DPP6: variants seen among roughly 807,000 people sequenced by gnomAD.
DPP6 encodes the protein dipeptidyl peptidase like 6, also known as A-type potassium channel modulatory protein DPP6.
DPP6 carries 69 observed loss-of-function variants against 122.6 expected under a neutral mutation model. The ratio of observed to expected loss-of-function variants is 0.56; its 90% CI spans 0.46 to 0.69. The LOEUF is 0.69. DPP6 is among the 30% of genes least tolerant of loss of function. The pLI is 0.00. For missense variants in DPP6, 928 were observed against 1,116.9 expected (o/e 0.83, Z 2.41); for synonymous variants, 418 against 433.1 (o/e 0.97, Z 0.43).
chr7:154,342,295 G>A (rs1165435253), intron 1 of DPP6, among the ~76,000 whole-genome samples: 2 of 152,178 alleles, frequency 1.3e-5, no homozygotes, highest in African/African-American at 4.8e-5. Flanking sequence ...GGCCTACTAA[G>A]CTGAGGCAGA....
chr7:154,093,502 A>G (rs1382658252), intron 1 of DPP6, among the ~76,000 whole-genome samples: 1 of 114,972 alleles, frequency 8.7e-6, no homozygotes, highest in African/African-American at 3.5e-5. Context: ...CACACACACA[A>G]ATGCAAACAC....
intron 1 of DPP6, among the ~76,000 whole-genome samples, chr7:154,359,709 G>C (rs1316899647): frequency 6.6e-6 from 1 of 152,190 alleles, no homozygotes; most frequent in Non-Finnish European, 1.5e-5. Flanking sequence ...GTGAATAAAT[G>C]AATGTATGAA....
chr7:154,595,197 C>T (rs1833022397), intron 5 of DPP6, among the ~76,000 whole-genome samples: 1 of 152,152 alleles, frequency 6.6e-6, no homozygotes, highest in Non-Finnish European at 1.5e-5. Flanking sequence ...TTCCCCTTCT[C>T]CGTTGCCATC....
chr7:154,207,128 G>A (rs1186434699), intron 1 of DPP6, among the ~76,000 whole-genome samples: 1 of 94,768 alleles, frequency 1.1e-5, no homozygotes, highest in African/African-American at 2.6e-5. Flanking sequence ...TATTGTTGTT[G>A]GCAAAGCCAC....
At position 154,650,196 on chromosome 7, in the gene DPP6, G is replaced by A. The variant is rs920169775; in HGVS notation, c.680+12323G>A. ...AAAAATTAGTCGGATATGGTGGCAC[G>A]TGCCTGTGATCCCAGAAACTTGGGA... On this transcript the variant is annotated intron_variant, in intron 6 of 25. Transcript: ENST00000377770. Among the ~76,000 whole-genome samples the A allele has an allele frequency of 4.6e-5, 7 of 152,180 alleles. No individual in the cohort carries two copies. In the South Asian group the frequency reaches 1.0e-3, roughly 23 times the overall value.
At chr7:154,313,368 T>A (rs1412254258) in intron 1 of DPP6, among the ~76,000 whole-genome samples, 1 of 151,926 alleles carries the variant, frequency 6.6e-6, no homozygotes, top group Non-Finnish European at 1.5e-5. Flanking sequence ...AAACAGGAAC[T>A]GTGATATGAA....
intron 8 of DPP6, among the ~76,000 whole-genome samples, chr7:154,739,974 G>T (rs1264430501): frequency 1.3e-5 from 2 of 152,184 alleles, no homozygotes; most frequent in African/African-American, 4.8e-5. Flanking sequence ...TTTTAGGAAG[G>T]CTATTGAGTA....
chr7:154,196,878 A>G (rs747094330), intron 1 of DPP6, among the ~76,000 whole-genome samples: 78 of 152,106 alleles, frequency 5.1e-4, no homozygotes, highest in Admixed American at 1.2e-3. Context: ...TACTCTCCTT[A>G]ATTAAAATTC....
intron 3 of DPP6, among the ~76,000 whole-genome samples, chr7:154,500,353 A>G (rs1825125744): frequency 6.6e-6 from 1 of 152,216 alleles, no homozygotes; most frequent in Admixed American, 6.5e-5. Context: ...TAAGAGAAAT[A>G]CATCCCAGTT....
chr7:153,756,576 C>A, the DPP6 span, among the ~76,000 whole-genome samples: 1 of 152,202 alleles, frequency 6.6e-6, no homozygotes, highest in African/African-American at 2.4e-5. Flanking sequence ...AAGGGCATGT[C>A]TAGTTCATAA....
chr7:153,942,270 A>AT (rs1186826713), intron 1 of DPP6, among the ~76,000 whole-genome samples: 3 of 152,294 alleles, frequency 2.0e-5, no homozygotes, highest in South Asian at 4.1e-4. Flanking sequence ...CCAGGGCTGG[A>AT]TTTTGCCTCT....
At chr7:154,586,198 CT>C (rs908038575) in intron 5 of DPP6, among the ~76,000 whole-genome samples, 2 of 152,002 alleles carry the variant, frequency 1.3e-5, no homozygotes, top group Admixed American at 1.3e-4. Context: ...GGTGAGGTGT[CT>C]TGTTGAGACC....
chr7:154,440,722 G>A (rs375944505), intron 1 of DPP6, among the ~76,000 whole-genome samples: 22 of 152,190 alleles, frequency 1.4e-4, no homozygotes, highest in African/African-American at 5.3e-4. Context: ...AAGATAGATT[G>A]TTATGAGAGA....
intron 1 of DPP6, among the ~76,000 whole-genome samples, chr7:154,023,984 T>A (rs1453376489): frequency 6.6e-6 from 1 of 152,232 alleles, no homozygotes; most frequent in South Asian, 2.1e-4. Flanking sequence ...TTCTACTACC[T>A]TCAAATGCTT....
intron 1 of DPP6, among the ~76,000 whole-genome samples, chr7:154,192,212 C>T (rs760960920): frequency 1.3e-5 from 2 of 152,224 alleles, no homozygotes; most frequent in South Asian, 2.1e-4. Flanking sequence ...CATTAAATTT[C>T]GTTTTCCCAT....
intron 1 of DPP6, chr7:154,305,642 G>A: frequency 6.7e-7 from 1 of 1,495,484 alleles, no homozygotes; most frequent in East Asian, 2.5e-5. Flanking sequence ...GAGACAGAGA[G>A]GGAGGATATG....
intron 1 of DPP6, among the ~76,000 whole-genome samples, chr7:154,432,669 C>T (rs1024889552): frequency 6.6e-6 from 1 of 152,108 alleles, no homozygotes; most frequent in Non-Finnish European, 1.5e-5. Context: ...ATTGTTTTTA[C>T]CAGTTTATTT....
rs367554613 is a variant in DPP6 at position 154,853,898 on chromosome 7, C to T, written c.1714+71C>T. The T allele has an allele frequency of 5.2e-5, 83 of 1,590,666 alleles. No individual in the cohort carries two copies. In the African/African-American group the frequency reaches 1.1e-3, roughly 21 times the overall value. On this transcript the variant is annotated intron_variant, in intron 17 of 25. Coordinates refer to ENST00000377770, the MANE Select transcript of DPP6 (RefSeq NM_130797.4). ...AAGGAAGCAAAACACTCTATGAGAT[C>T]AGCTGGCCCACATTCTCCTACTCAG... is the stretch of plus-strand genomic sequence containing the variant.
intron 1 of DPP6, among the ~76,000 whole-genome samples, chr7:153,963,555 G>A (rs1795471281): frequency 1.3e-5 from 2 of 151,146 alleles, no homozygotes; most frequent in Admixed American, 1.3e-4. Context: ...ATCAATATGT[G>A]TCTACAGCCT....
Sources: allele counts gnomAD v4.1 joint callset (sites outside exome capture counted in the v4.1 genomes callset), GRCh38; gene constraint gnomAD v4.1.1; transcripts MANE v1.5; gene names NCBI Gene and HGNC (gene_info 2026-07-23, HGNC 2026-07-21).